The following HEMK2 variants were observed in gnomAD, a reference collection of about 807,000 sequenced individuals.
HEMK2 encodes the protein methyltransferase HEMK2.
At chr21:28,705,289 A>T in the HEMK2 span, among the ~76,000 whole-genome samples, 1 of 151,972 alleles carries the variant, frequency 6.6e-6, no homozygotes, top group African/African-American at 2.4e-5. Flanking sequence ...ACAATGAAGA[A>T]TTTCATTGAT....
At chr21:28,649,048 T>C in the HEMK2 span, among the ~76,000 whole-genome samples, 11 of 151,776 alleles carry the variant, frequency 7.2e-5, no homozygotes, top group African/African-American at 2.7e-4. Flanking sequence ...TGGTTTTTTG[T>C]CCTTGCGATA....
the HEMK2 span, among the ~76,000 whole-genome samples, chr21:28,741,514 C>T: frequency 6.6e-6 from 1 of 151,878 alleles, no homozygotes; most frequent in South Asian, 2.1e-4. Flanking sequence ...AAGCCTAGTA[C>T]CCATTGGTTA....
At chr21:28,883,839 T>C in the HEMK2 span, among the ~76,000 whole-genome samples, 1 of 152,152 alleles carries the variant, frequency 6.6e-6, no homozygotes, top group African/African-American at 2.4e-5. Flanking sequence ...TCCTCCCACC[T>C]CAGCCTCCCA....
chr21:28,883,379 A>T, the HEMK2 span, among the ~76,000 whole-genome samples: 1 of 152,326 alleles, frequency 6.6e-6, no homozygotes, highest in Admixed American at 6.5e-5. Flanking sequence ...CTAGGGTTGG[A>T]AATATTAATG....
At chr21:28,761,620 G>A in the HEMK2 span, among the ~76,000 whole-genome samples, 2 of 147,568 alleles carry the variant, frequency 1.4e-5, no homozygotes, top group Admixed American at 1.4e-4. Flanking sequence ...TTTCAATTTA[G>A]TATTAAATAT....
At chr21:28,772,168 C>G in the HEMK2 span, among the ~76,000 whole-genome samples, 1 of 152,094 alleles carries the variant, frequency 6.6e-6, no homozygotes, top group African/African-American at 2.4e-5. Flanking sequence ...AGTCAGAAGA[C>G]AAATCCCATG....
the HEMK2 span, among the ~76,000 whole-genome samples, chr21:28,694,562 C>T: frequency 6.6e-6 from 1 of 152,246 alleles, no homozygotes; most frequent in African/African-American, 2.4e-5. Context: ...CTTTCTTCAA[C>T]TGTCCTTGAC....
chr21:28,816,930 C>T, the HEMK2 span, among the ~76,000 whole-genome samples: 1 of 152,138 alleles, frequency 6.6e-6, no homozygotes, highest in African/African-American at 2.4e-5. Context: ...GAAATTTCCT[C>T]AGAGCTGAAG....
chr21:28,659,988 T>C, the HEMK2 span, among the ~76,000 whole-genome samples: 7 of 152,058 alleles, frequency 4.6e-5, no homozygotes, highest in Admixed American at 4.6e-4. Context: ...TAAATTTTTC[T>C]CAATAATGTG....
At chr21:28,866,052 C>A in the HEMK2 span, among the ~76,000 whole-genome samples, 1 of 150,854 alleles carries the variant, frequency 6.6e-6, no homozygotes, top group African/African-American at 2.4e-5. Context: ...CCTGTACTTC[C>A]AGCACTTTGG....
the HEMK2 span, among the ~76,000 whole-genome samples, chr21:28,831,471 GAAAGAAAGAAA>G: frequency 3.5e-5 from 1 of 28,816 alleles, no homozygotes; most frequent in African/African-American, 2.2e-4. Flanking sequence ...ACGAAAGAAA[GAAAGAAAGAAA>G]GAAAGAAAGA....
chr21:28,806,189 C>T, the HEMK2 span, among the ~76,000 whole-genome samples: 1 of 152,182 alleles, frequency 6.6e-6, no homozygotes, highest in Admixed American at 6.5e-5. Flanking sequence ...GCCTGTGATG[C>T]CTCTGAAGTG....
chr21:28,847,258 C>G, the HEMK2 span, among the ~76,000 whole-genome samples: 2 of 152,182 alleles, frequency 1.3e-5, no homozygotes, highest in Non-Finnish European at 2.9e-5. Context: ...TAAGCATTCC[C>G]TTTTCTCTGC....
At chr21:28,634,052 T>C in the HEMK2 span, among the ~76,000 whole-genome samples, 2 of 152,210 alleles carry the variant, frequency 1.3e-5, no homozygotes, top group African/African-American at 2.4e-5. Flanking sequence ...TCCTTTCCAA[T>C]GACTGACTGC....
chr21:28,831,647 G>GA, the HEMK2 span, among the ~76,000 whole-genome samples: 4 of 23,782 alleles, frequency 1.7e-4, no homozygotes, highest in East Asian at 1.5e-3. Flanking sequence ...AAGAAAGAAA[G>GA]AAAGAAAGAA....
the HEMK2 span, among the ~76,000 whole-genome samples, chr21:28,848,634 G>C: frequency 6.6e-6 from 1 of 151,918 alleles, no homozygotes; most frequent in Non-Finnish European, 1.5e-5. Context: ...AATGTTATTA[G>C]AAACAATTCA....
the HEMK2 span, among the ~76,000 whole-genome samples, chr21:28,655,581 A>T: frequency 2.6e-5 from 4 of 152,084 alleles, no homozygotes; most frequent in Non-Finnish European, 4.4e-5. Context: ...ATAGTAGCCC[A>T]GGTATTTAAA....
chr21:28,584,063 T>C, the HEMK2 span, among the ~76,000 whole-genome samples: 1,434 of 152,308 alleles, frequency 9.4e-3, 28 homozygotes, highest in African/African-American at 0.033. Context: ...ACAGCCCTTA[T>C]CCAGTCCTAA....
chr21:28,777,675 A>G, the HEMK2 span, among the ~76,000 whole-genome samples: 1 of 152,212 alleles, frequency 6.6e-6, no homozygotes, highest in Non-Finnish European at 1.5e-5. Context: ...GTTTGGCAAG[A>G]GGAGGAGATC....
Sources: gnomAD v4.1 joint callset for allele counts (sites outside exome capture counted in the v4.1 genomes callset) on GRCh38, gnomAD v4.1.1 for gene constraint, MANE v1.5 for transcripts, NCBI Gene and HGNC (gene_info 2026-07-23, HGNC 2026-07-21) for gene names.